GOLGB1: variants seen among roughly 807,000 people sequenced by gnomAD.
GOLGB1 encodes golgin B1.
A neutral mutation model predicts 336.9 loss-of-function variants in GOLGB1; 174 were observed. The observed-to-expected ratio is 0.52, with a 90% CI of 0.46 to 0.59. GOLGB1 has a LOEUF of 0.59. GOLGB1 is among the 20% of genes least tolerant of loss of function. The pLI, the probability that GOLGB1 is intolerant of heterozygous loss-of-function variation, is 0.00. For synonymous variants in GOLGB1, 1,208 were observed against 1,289.2 expected (o/e 0.94, Z 1.35); for missense variants, 3,331 against 3,645.3 (o/e 0.91, Z 2.22).
chr3:121,706,782 A>G (rs1231403988), intron 10 of GOLGB1, among the ~76,000 whole-genome samples: 1 of 151,012 alleles, frequency 6.6e-6, no homozygotes, highest in Non-Finnish European at 1.5e-5. Context: ...ACAAAATGCA[A>G]GAAAGAAGAC....
chr3:121,715,652 A>G (rs1248732920), intron 9 of GOLGB1, among the ~76,000 whole-genome samples: 2 of 152,070 alleles, frequency 1.3e-5, no homozygotes, highest in African/African-American at 4.8e-5. Flanking sequence ...AGCATGCTTA[A>G]GAGAACAGCT....
intron 1 of GOLGB1, among the ~76,000 whole-genome samples, chr3:121,746,723 A>G (rs1947314576): frequency 6.6e-6 from 1 of 151,780 alleles, no homozygotes; most frequent in African/African-American, 2.4e-5. Context: ...CAAGTGATCC[A>G]CTCGCCTTGG....
At position 121,698,370 on chromosome 3, in the gene GOLGB1, T is replaced by A. The variant is rs767640532; in HGVS notation, c.2153A>T (p.Glu718Val). ...AQEIYEKNLD[E>V]KAKEISNLNQ... ...TAGGTTGCTAATTTCCTTAGCTTTCTCATCTAAATTTTTCTCATAGATTTC... is the reference window on the plus strand; with the variant it reads ...TAGGTTGCTAATTTCCTTAGCTTTCACATCTAAATTTTTCTCATAGATTTC... The change falls in exon 13 of 22, where the codon GAG becomes GTG. Residue 718 changes from glutamate to valine, a missense_variant. By Grantham distance (121) the Glu-to-Val change is moderately radical (BLOSUM62 -2). Transcript: ENST00000614479. 4.3e-6 allele frequency: 7 copies of A among 1,613,686 alleles called. No individual in the cohort carries two copies. The African/African-American group carries it at 9.3e-5, about 22-fold the overall frequency.
At chr3:121,675,364 ACCT>A (rs1251753384) in intron 17 of GOLGB1, among the ~76,000 whole-genome samples, 1 of 152,186 alleles carries the variant, frequency 6.6e-6, no homozygotes, top group African/African-American at 2.4e-5. Context: ...ACGTGTTTTT[ACCT>A]CATTTCTTTT....
chr3:121,681,028 T>C (rs542131198), intron 15 of GOLGB1, among the ~76,000 whole-genome samples: 87 of 152,210 alleles, frequency 5.7e-4, no homozygotes, highest in Non-Finnish European at 7.2e-4. Context: ...CAAAAACTTA[T>C]ACACAAATGT....
intron 8 of GOLGB1, among the ~76,000 whole-genome samples, chr3:121,717,598 T>C (rs1358238507): frequency 2.0e-5 from 3 of 152,200 alleles, no homozygotes; most frequent in African/African-American, 4.8e-5. Context: ...GGATGGATTA[T>C]AGTCAGATCA....
chr3:121,669,356 C>A lies in GOLGB1; in HGVS notation c.9178-1G>T. On this transcript the variant is annotated splice_acceptor_variant, in intron 17 of 21. Coordinates refer to ENST00000614479, the MANE Select transcript of GOLGB1 (RefSeq NM_001366282.2). LOFTEE classifies it high-confidence loss of function. ...TTTTCTCTTCCAGTAGCTGAGAGAA[C>A]TGAAACAGAGGCGAGGATAAGCATC... 2 of 1,613,312 alleles carry A rather than the reference C, an allele frequency of 1.2e-6. No homozygotes were observed. Among genetic ancestry groups the A allele is most frequent in the Non-Finnish European group, 1.7e-6 (2 of 1,179,326 alleles).
chr3:121,704,045 C>T (rs182095749), intron 10 of GOLGB1, among the ~76,000 whole-genome samples: 181 of 150,350 alleles, frequency 1.2e-3, no homozygotes, highest in East Asian at 0.012. Flanking sequence ...AGAATATAGA[C>T]GACAGAAGAA....
At chr3:121,687,022 C>A (rs576119713) in intron 14 of GOLGB1, among the ~76,000 whole-genome samples, 2 of 152,252 alleles carry the variant, frequency 1.3e-5, no homozygotes, top group African/African-American at 4.8e-5. Flanking sequence ...GCCTGTAATT[C>A]CAGCACTTTG....
chr3:121,719,503 A>T (rs1945021947), intron 7 of GOLGB1, 143 bp downstream of exon 7: 1 of 477,046 alleles, frequency 2.1e-6, no homozygotes. Flanking sequence ...ATTTTTATGC[A>T]ACAGAAGACA....
chr3:121,716,450 T>C (rs1944781903), intron 9 of GOLGB1, among the ~76,000 whole-genome samples: 1 of 152,210 alleles, frequency 6.6e-6, no homozygotes, highest in African/African-American at 2.4e-5. Context: ...CTCGTTTCAG[T>C]CATTGAATCC....
At chr3:121,665,443 C>T (rs1938484532) in intron 20 of GOLGB1, among the ~76,000 whole-genome samples, 1 of 152,182 alleles carries the variant, frequency 6.6e-6, no homozygotes, top group African/African-American at 2.4e-5. Context: ...GTTCTTTTTT[C>T]CACCACACCA....
At position 121,670,961 on chromosome 3, in the gene GOLGB1, A is replaced by G. The variant is rs1576262665; in HGVS notation, c.9178-1606T>C. Among the ~76,000 whole-genome samples, 3 of 152,326 alleles carry G rather than the reference A, an allele frequency of 2.0e-5. No individual in the cohort carries two copies. The South Asian group carries it at 6.2e-4, about 32-fold the overall frequency. On this transcript the variant is annotated intron_variant, in intron 17 of 21. Transcript: ENST00000614479. ...TCCAAACCATACCAAAAACAAAAAC[A>G]TAGATCCTTCTAGTTTAGGGGTTGG...
intron 1 of GOLGB1, among the ~76,000 whole-genome samples, chr3:121,738,674 T>A (rs1560332953): frequency 2.0e-5 from 3 of 152,192 alleles, no homozygotes; most frequent in Non-Finnish European, 4.4e-5. Context: ...GCTGAGGCAG[T>A]CTGGACCTTT....
Position 121,690,732 on chromosome 3 carries a change from G to A in GOLGB1, c.8632C>T (p.Pro2878Ser), listed in dbSNP as rs760109817. 4 of 1,545,534 alleles carry A rather than the reference G, an allele frequency of 2.6e-6. No homozygotes were observed. The highest frequency in any genetic ancestry group is 3.5e-6 in the Non-Finnish European group (4 of 1,152,410). ...TTTTTTAAACTCTGTACTTCAGCTG[G>A]GCTGGTGGAAGGCTGAGCTGCAGAC... ...QRSAAQPSTS[P>S]AEVQSLKKAM... The change falls in exon 14 of 22, where the codon CCA (proline) becomes TCA (serine). Residue 2878 changes from proline (P) to serine (S), a missense_variant. Transcript: ENST00000614479.
At chr3:121,687,591 G>A (rs369671222) in intron 14 of GOLGB1, among the ~76,000 whole-genome samples, 20 of 152,232 alleles carry the variant, frequency 1.3e-4, no homozygotes, top group African/African-American at 4.8e-4. Context: ...TGAGCATTTG[G>A]GAACAGAATA....
intron 5 of GOLGB1, among the ~76,000 whole-genome samples, chr3:121,725,993 A>T (rs1301186749): frequency 3.5e-4 from 53 of 151,460 alleles, no homozygotes; most frequent in African/African-American, 1.3e-3. Context: ...ATTTATTTAA[A>T]TTAAATTAAA....
chr3:121,727,308 ATATATATATATATTT>A (rs1945717536), intron 4 of GOLGB1, among the ~76,000 whole-genome samples: 1 of 30,980 alleles, frequency 3.2e-5, no homozygotes, highest in East Asian at 1.3e-3. Context: ...ATATATATAT[ATATATATATATATTT>A]TTTTTTTTTT....
chr3:121,728,288 G>A (rs148702046), intron 4 of GOLGB1, among the ~76,000 whole-genome samples: 3 of 152,176 alleles, frequency 2.0e-5, no homozygotes, highest in African/African-American at 7.2e-5. Flanking sequence ...GCAGGAACTG[G>A]GTCACTAACT....
Sources: gnomAD v4.1 joint callset for allele counts (sites outside exome capture counted in the v4.1 genomes callset) on GRCh38, gnomAD v4.1.1 for gene constraint, MANE v1.5 for transcripts, NCBI Gene and HGNC (gene_info 2026-07-23, HGNC 2026-07-21) for gene names.